CADM2: variants seen among roughly 807,000 people sequenced by gnomAD.
CADM2 encodes cell adhesion molecule 2.
In CADM2, 12 loss-of-function variants were observed where a neutral mutation model predicts 49.8. The ratio of observed to expected loss-of-function variants is 0.24; its 90% CI spans 0.15 to 0.39. CADM2 has a LOEUF of 0.39. Among genes scored for constraint, CADM2 ranks in the 10% least tolerant of loss-of-function variants. The pLI is 1.00. For synonymous variants in CADM2, 214 were observed against 175.4 expected (o/e 1.22, Z -1.74); for missense variants, 378 against 492.3 (o/e 0.77, Z 2.20).
intron 1 of CADM2, among the ~76,000 whole-genome samples, chr3:85,155,666 C>T (rs1190927464): frequency 1.3e-5 from 2 of 151,984 alleles, no homozygotes; most frequent in African/African-American, 2.4e-5. Context: ...CACACCTATT[C>T]CAAAATTGAC....
At chr3:85,996,671 C>T (rs1293746797) in intron 8 of CADM2, among the ~76,000 whole-genome samples, 1 of 151,992 alleles carries the variant, frequency 6.6e-6, no homozygotes, top group Non-Finnish European at 1.5e-5. Flanking sequence ...CTTTATTGTT[C>T]TGAAATATTC....
At chr3:85,033,776 C>A (rs1167025185) in intron 1 of CADM2, among the ~76,000 whole-genome samples, 2 of 151,712 alleles carry the variant, frequency 1.3e-5, no homozygotes. Flanking sequence ...AATGCAAGTA[C>A]AATATATCAG....
chr3:85,898,108 T>C (rs912365026), intron 5 of CADM2, among the ~76,000 whole-genome samples: 26 of 152,170 alleles, frequency 1.7e-4, no homozygotes, highest in African/African-American at 6.3e-4. Context: ...GAAGTTTTCT[T>C]AATGGTGTTA....
intron 1 of CADM2, among the ~76,000 whole-genome samples, chr3:85,468,141 G>A (rs900309351): frequency 1.8e-5 from 2 of 114,230 alleles, no homozygotes; most frequent in African/African-American, 3.7e-5. Flanking sequence ...GCGACAGAGC[G>A]AGACTCCGTC....
intron 1 of CADM2, among the ~76,000 whole-genome samples, chr3:85,102,879 A>G (rs1231427377): frequency 2.0e-5 from 3 of 152,174 alleles, no homozygotes; most frequent in Non-Finnish European, 2.9e-5. Flanking sequence ...GGGCACTCAT[A>G]AATATTTCCA....
intron 1 of CADM2, among the ~76,000 whole-genome samples, chr3:85,376,296 A>G (rs940462541): frequency 1.3e-5 from 2 of 152,114 alleles, no homozygotes; most frequent in Non-Finnish European, 2.9e-5. Context: ...TAATACTGCA[A>G]ATTTTTAATA....
intron 1 of CADM2, among the ~76,000 whole-genome samples, chr3:85,696,869 T>C (rs1559598742): frequency 6.6e-6 from 1 of 151,802 alleles, no homozygotes. Flanking sequence ...ATCTTGACTA[T>C]ATGTCCAAAA....
intron 1 of CADM2, among the ~76,000 whole-genome samples, chr3:85,440,578 C>T (rs921233407): frequency 2.0e-5 from 3 of 152,064 alleles, no homozygotes; most frequent in Non-Finnish European, 2.9e-5. Context: ...CTTTAAATGA[C>T]GGTCTCTAAG....
At chr3:85,850,355 C>T (rs1475963419) in intron 3 of CADM2, among the ~76,000 whole-genome samples, 2 of 134,338 alleles carry the variant, frequency 1.5e-5, no homozygotes, top group East Asian at 4.3e-4. Flanking sequence ...GACAGAGTCT[C>T]GCTCCGTCGC....
intron 1 of CADM2, among the ~76,000 whole-genome samples, chr3:85,101,739 T>A (rs1246631077): frequency 6.6e-6 from 1 of 152,230 alleles, no homozygotes; most frequent in Non-Finnish European, 1.5e-5. Flanking sequence ...TTGGTAGAGT[T>A]ACTGAGTTTT....
chr3:85,685,108 C>G (rs576358645), intron 1 of CADM2, among the ~76,000 whole-genome samples: 1 of 152,094 alleles, frequency 6.6e-6, no homozygotes, highest in Non-Finnish European at 1.5e-5. Context: ...AAAAATTATC[C>G]GGGCTTGGTG....
intron 1 of CADM2, among the ~76,000 whole-genome samples, chr3:85,535,609 C>T (rs2061407136): frequency 1.3e-5 from 2 of 152,166 alleles, no homozygotes; most frequent in South Asian, 4.1e-4. Context: ...CTTGTCATTG[C>T]CTTTGGTCAT....
intron 8 of CADM2, among the ~76,000 whole-genome samples, chr3:86,023,351 TTTTTGTTTGTTTGTTTGTTTGTTTTG>T (rs1014644966): frequency 8.5e-6 from 1 of 117,534 alleles, no homozygotes; most frequent in Non-Finnish European, 1.6e-5. Flanking sequence ...AGAATGAGGT[TTTTTGTTTGTTTGTTTGTTTGTTTTG>T]TTTTGTTTTG....
chr3:85,109,644 T>C (rs1425017370), intron 1 of CADM2, among the ~76,000 whole-genome samples: 2 of 151,968 alleles, frequency 1.3e-5, no homozygotes. Context: ...AAAAGGATGG[T>C]ATCACATTAG....
At chr3:85,434,811 G>A (rs1269930477) in intron 1 of CADM2, among the ~76,000 whole-genome samples, 2 of 152,006 alleles carry the variant, frequency 1.3e-5, no homozygotes, top group Non-Finnish European at 2.9e-5. Context: ...TAAGTTACTT[G>A]CTCAGGTTAA....
At chr3:85,764,800 T>A (rs1297802576) in intron 2 of CADM2, among the ~76,000 whole-genome samples, 1 of 152,080 alleles carries the variant, frequency 6.6e-6, no homozygotes, top group Non-Finnish European at 1.5e-5. Flanking sequence ...AGGTCACTTT[T>A]GTATTAATTA....
At chr3:85,696,098 T>G (rs1359053006) in intron 1 of CADM2, among the ~76,000 whole-genome samples, 3 of 152,126 alleles carry the variant, frequency 2.0e-5, no homozygotes, top group Non-Finnish European at 2.9e-5. Flanking sequence ...GTTTGCCTAC[T>G]TTTTAATGGA....
intron 5 of CADM2, among the ~76,000 whole-genome samples, chr3:85,889,119 G>T (rs1368026759): frequency 6.6e-6 from 1 of 152,182 alleles, no homozygotes; most frequent in Non-Finnish European, 1.5e-5. Context: ...ACCTGCAGCT[G>T]TTGAAGATGT....
Position 85,900,502 on chromosome 3 carries a change from G to A in CADM2, c.530-11871G>A, listed in dbSNP as rs780335485. On this transcript the variant is annotated intron_variant, in intron 5 of 9. Coordinates refer to ENST00000383699, the MANE Select transcript of CADM2 (RefSeq NM_001167675.2). ...TTGTTGGAATGGAAAAGAAAATTTC[G>A]GTATGTATATCATGAGATACATAAA... Among the ~76,000 whole-genome samples the A allele has an allele frequency of 2.0e-5, 3 of 152,080 alleles. No homozygotes were observed. In the East Asian group the frequency reaches 5.8e-4, roughly 29 times the overall value.
Sources: allele counts gnomAD v4.1 joint callset (sites outside exome capture counted in the v4.1 genomes callset), GRCh38; gene constraint gnomAD v4.1.1; transcripts MANE v1.5; gene names NCBI Gene and HGNC (gene_info 2026-07-23, HGNC 2026-07-21).